SPSB4: variants seen among roughly 807,000 people sequenced by gnomAD.
The protein encoded by SPSB4 is splA/ryanodine receptor domain and SOCS box containing 4.
SPSB4 carries 21 observed loss-of-function variants against 20.9 expected under a neutral mutation model. That is an observed-to-expected ratio of 1.01 (90% confidence interval 0.71 to 1.45). SPSB4 has a LOEUF of 1.45. Among genes scored for constraint, SPSB4 ranks in the 40% most tolerant of loss-of-function variants. SPSB4 has a pLI of 0.00. For synonymous variants in SPSB4, 207 were observed against 183.8 expected, an observed-to-expected ratio of 1.13 and a Z score of -1.02; for missense variants, 399 against 399.2, an observed-to-expected ratio of 1.00 and a Z score of 0.00.
chr3:141,077,397 G>A (rs1216550097), intron 2 of SPSB4: 3 of 152,162 alleles, frequency 2.0e-5, no homozygotes, highest in Non-Finnish European at 4.4e-5. Context: ...TGTCTCCCAC[G>A]CCCATGATCT....
At chr3:141,137,169 G>C (rs150169373) in intron 2 of SPSB4, among the ~76,000 whole-genome samples, 54 of 152,290 alleles carry the variant, frequency 3.5e-4, no homozygotes, top group African/African-American at 1.1e-3. Flanking sequence ...AAGAATGCTT[G>C]TGATTTTTGC....
At chr3:141,127,479 C>G (rs1939067129) in intron 2 of SPSB4, among the ~76,000 whole-genome samples, 1 of 152,224 alleles carries the variant, frequency 6.6e-6, no homozygotes, top group African/African-American at 2.4e-5. Flanking sequence ...GGCCTCTGTC[C>G]AGAGCTCAGA....
At chr3:141,063,128 AC>A (rs1937797370) in intron 1 of SPSB4, among the ~76,000 whole-genome samples, 2 of 152,198 alleles carry the variant, frequency 1.3e-5, no homozygotes, top group South Asian at 4.2e-4. Context: ...CTCACTTAAA[AC>A]CTTTTGTCCT....
At chr3:141,112,644 C>CAAAA (rs60396514) in intron 2 of SPSB4, among the ~76,000 whole-genome samples, 3,531 of 32,786 alleles carry the variant, frequency 0.11, 368 homozygotes, top group Admixed American at 0.22. Context: ...GACTCCGTCT[C>CAAAA]AAAAAAAAAA....
chr3:141,064,045 G>C (rs1342200992), intron 1 of SPSB4, among the ~76,000 whole-genome samples: 1 of 152,224 alleles, frequency 6.6e-6, no homozygotes, highest in African/African-American at 2.4e-5. Flanking sequence ...CCAGGGTGTA[G>C]GAGGCAGCTC....
At chr3:141,103,827 G>C (rs941023052) in intron 2 of SPSB4, among the ~76,000 whole-genome samples, 4 of 151,244 alleles carry the variant, frequency 2.6e-5, no homozygotes, top group African/African-American at 7.3e-5. Flanking sequence ...TACCAAAAAT[G>C]ACCTTTTTTT....
At chr3:141,061,119 GGTTTAT>G (rs1338732477) in intron 1 of SPSB4, among the ~76,000 whole-genome samples, 2 of 151,922 alleles carry the variant, frequency 1.3e-5, no homozygotes, top group Non-Finnish European at 2.9e-5. Context: ...ATGATTATAT[GGTTTAT>G]GTTTTATGTG....
At chr3:141,112,624 G>A (rs559870746) in intron 2 of SPSB4, among the ~76,000 whole-genome samples, 4 of 111,036 alleles carry the variant, frequency 3.6e-5, no homozygotes, top group East Asian at 2.9e-4. Context: ...CAGCCTGGGC[G>A]ACAGAGCGAG....
intron 2 of SPSB4, among the ~76,000 whole-genome samples, chr3:141,116,678 A>C (rs1277374698): frequency 6.6e-6 from 1 of 152,250 alleles, no homozygotes; most frequent in Non-Finnish European, 1.5e-5. Flanking sequence ...TTGGGTTGTT[A>C]TGAGGATTAA....
intron 2 of SPSB4, chr3:141,116,955 C>T (rs1938888785): frequency 1.3e-5 from 2 of 152,190 alleles, no homozygotes; most frequent in Non-Finnish European, 2.9e-5. Context: ...TCACACAGAG[C>T]TGGCTCTGAG....
intron 2 of SPSB4, among the ~76,000 whole-genome samples, chr3:141,074,390 T>C (rs1308941954): frequency 1.3e-5 from 2 of 152,222 alleles, no homozygotes; most frequent in Non-Finnish European, 2.9e-5. Flanking sequence ...CTCTCATAAA[T>C]TGGTAAAATT....
At chr3:141,064,362 G>A (rs1937822763) in intron 1 of SPSB4, among the ~76,000 whole-genome samples, 1 of 152,220 alleles carries the variant, frequency 6.6e-6, no homozygotes, top group Non-Finnish European at 1.5e-5. Flanking sequence ...ATATGAAAAG[G>A]AGTAACTTTA....
At position 141,114,963 on chromosome 3, in the gene SPSB4, C is replaced by T. The variant is rs183088077; in HGVS notation, c.695-32179C>T. Reference sequence around the variant, plus strand: ...GCAAGAGTCTTGTGAGCCCAGCAGCCCTGCCAATGTTGCCTGCATGACCTT... The same window carrying T: ...GCAAGAGTCTTGTGAGCCCAGCAGCTCTGCCAATGTTGCCTGCATGACCTT... On this transcript the variant is annotated intron_variant, in intron 2 of 2. Transcript: ENST00000310546. Among the ~76,000 whole-genome samples, 11 of 152,218 alleles carry T rather than the reference C, an allele frequency of 7.2e-5. No individual in the cohort carries two copies. The East Asian group carries it at 2.1e-3, about 29-fold the overall frequency.
chr3:141,139,479 G>C (rs1234008140), intron 2 of SPSB4, among the ~76,000 whole-genome samples: 3 of 152,342 alleles, frequency 2.0e-5, no homozygotes, highest in Non-Finnish European at 2.9e-5. Flanking sequence ...GGTACCAGTT[G>C]TTCCTTTCCA....
At chr3:141,106,929 C>T (rs1343028601) in intron 2 of SPSB4, among the ~76,000 whole-genome samples, 2 of 152,196 alleles carry the variant, frequency 1.3e-5, no homozygotes, top group Non-Finnish European at 2.9e-5. Context: ...ATGGGGTCAT[C>T]TTTCTCAGGT....
chr3:141,117,132 A>C (rs1938891180), intron 2 of SPSB4: 1 of 152,202 alleles, frequency 6.6e-6, no homozygotes. Flanking sequence ...AAGAACACTA[A>C]CTTCTCTGAA....
At chr3:141,088,177 T>C (rs1938386561) in intron 2 of SPSB4, among the ~76,000 whole-genome samples, 1 of 152,138 alleles carries the variant, frequency 6.6e-6, no homozygotes, top group East Asian at 1.9e-4. Flanking sequence ...CACCTTCCCC[T>C]GGACTGCAGA....
intron 2 of SPSB4, among the ~76,000 whole-genome samples, chr3:141,145,902 AC>A (rs1939406209): frequency 6.6e-6 from 1 of 151,248 alleles, no homozygotes; most frequent in East Asian, 1.9e-4. Context: ...TGTGCCTTTA[AC>A]CCTCCTATTC....
intron 2 of SPSB4, among the ~76,000 whole-genome samples, chr3:141,112,644 C>CA (rs60396514): frequency 0.017 from 543 of 32,182 alleles, 14 homozygotes; most frequent in Non-Finnish European, 0.024. Flanking sequence ...GACTCCGTCT[C>CA]AAAAAAAAAA....
Sources: gnomAD v4.1 joint callset for allele counts (sites outside exome capture counted in the v4.1 genomes callset) on GRCh38, gnomAD v4.1.1 for gene constraint, MANE v1.5 for transcripts, NCBI Gene and HGNC (gene_info 2026-07-23, HGNC 2026-07-21) for gene names.